The following PPP1R11 variants were observed in gnomAD, a reference collection of about 807,000 sequenced individuals.
PPP1R11 encodes E3 ubiquitin-protein ligase PPP1R11.
PPP1R11 carries 10 observed loss-of-function variants against 11.3 expected under a neutral mutation model. The ratio of observed to expected loss-of-function variants is 0.88; its 90% CI spans 0.55 to 1.50. The LOEUF (loss-of-function observed/expected upper bound fraction) is 1.50. PPP1R11 is among the 40% of genes most tolerant of loss of function. The probability of loss-of-function intolerance (pLI) is 0.00; values close to 1 mark genes in which losing one functional copy is unlikely to be tolerated. For synonymous variants in PPP1R11, 56 were observed against 62.3 expected, an observed-to-expected ratio of 0.90 and a Z score of 0.48; for missense variants, 114 against 179.1, an observed-to-expected ratio of 0.64 and a Z score of 2.07.
At chr6:30,062,724 T>C (rs1295522967), upstream of PPP1R11, among the ~76,000 whole-genome samples, 2 of 108,860 alleles carry the variant, frequency 1.8e-5, no homozygotes, top group African/African-American at 3.5e-5. Context: ...CTTTTTTTTT[T>C]TTTTTTTTTT....
chr6:30,061,852 G>A (rs1765102076), upstream of PPP1R11: 6 of 1,582,758 alleles, frequency 3.8e-6, no homozygotes, highest in Non-Finnish European at 5.2e-6. This position sits in a 1 kb window ranked among gnomAD's most constrained non-coding sequence, Gnocchi z 5.0. Flanking sequence ...CCAGGGGAAA[G>A]GGGAGGTTTC....
At position 30,068,401 on chromosome 6, in the gene PPP1R11, T is replaced by C. The variant is rs989848386; in HGVS notation, c.70-189T>C. 5.2e-5 allele frequency: 26 copies of C among 495,516 alleles called. 1 individual carries two copies. The South Asian group carries it at 7.1e-4, about 14-fold the overall frequency. 30.7% of individuals were successfully genotyped at this position (495,516 alleles called of 1,614,324 possible). A position where few individuals can be genotyped will look rare whatever the true frequency, so the allele number is the denominator to read the frequency against. On this transcript the variant is annotated intron_variant, in intron 1 of 2. Coordinates refer to ENST00000376772, the MANE Select transcript of PPP1R11 (RefSeq NM_021959.3). ...ATACTGGTGGTATAAGAACAGGAAA[T>C]AATACTTATTCCTCAAGGGACTATC...
upstream of PPP1R11, chr6:30,062,109 T>A: frequency 6.8e-7 from 1 of 1,466,352 alleles, no homozygotes; most frequent in South Asian, 1.1e-5. Flanking sequence ...TTGTGCCCAA[T>A]TCCAAGAGGG....
chr6:30,064,292 CA>C (rs372351529), upstream of PPP1R11, among the ~76,000 whole-genome samples: 283 of 143,914 alleles, frequency 2.0e-3, 2 homozygotes, highest in East Asian at 0.024. Context: ...GTCATTTTAC[CA>C]AAAAAAAAAA....
chr6:30,062,714 CTTTTTTTTTTTTT>C (rs9278555), upstream of PPP1R11, among the ~76,000 whole-genome samples: 319 of 42,408 alleles, frequency 7.5e-3, 6 homozygotes, highest in Middle Eastern at 0.078. Flanking sequence ...CCACGCCTGG[CTTTTTTTTTTTTT>C]TTTTTTTTTT....
At chr6:30,066,053 G>C (rs1289308053), upstream of PPP1R11, among the ~76,000 whole-genome samples, 1 of 152,160 alleles carries the variant, frequency 6.6e-6, no homozygotes, top group Non-Finnish European at 1.5e-5. Flanking sequence ...AGAATGGGCA[G>C]GGCAGTCTTC....
chr6:30,062,108 A>T, upstream of PPP1R11: 8 of 1,467,828 alleles, frequency 5.5e-6, no homozygotes, highest in Non-Finnish European at 7.6e-6. Context: ...TTTGTGCCCA[A>T]TTCCAAGAGG....
upstream of PPP1R11, among the ~76,000 whole-genome samples, chr6:30,063,143 A>G (rs1765249480): frequency 6.6e-6 from 1 of 151,494 alleles, no homozygotes; most frequent in Non-Finnish European, 1.5e-5. This position sits in a 1 kb window ranked among gnomAD's most constrained non-coding sequence, Gnocchi z 4.1. Flanking sequence ...TCTGAAACTG[A>G]GAGTGGACTT....
chr6:30,062,141 C>T, upstream of PPP1R11: 1 of 1,445,276 alleles, frequency 6.9e-7, no homozygotes, highest in African/African-American at 1.4e-5. Context: ...AAACCATCGA[C>T]GTTTGAGAGG....
At chr6:30,067,746 A>C in intron 1 of PPP1R11, 1 of 418,634 alleles carries the variant, frequency 2.4e-6, no homozygotes, top group Non-Finnish European at 4.2e-6. Context: ...GTAAGTAATA[A>C]ACGAAAGGGA....
chr6:30,068,463 G>C (rs1765689418), intron 1 of PPP1R11, 127 bp from the exon 2 acceptor site: 2 of 673,060 alleles, frequency 3.0e-6, no homozygotes. Context: ...TCTTCTGTCA[G>C]CTCCTCTGGT....
Position 30,068,610 on chromosome 6 carries a change from C to A in PPP1R11, c.90C>A (p.Ile30=). ...TTEPENRSLT[I]KLRKRKPEKK... is the part of the protein sequence containing the mutation. ...TCTAGGAGAACCGGAGCCTTACCAT[C>A]AAACTTCGGAAACGGAAGCCAGAGA... Residue 30 remains isoleucine, a synonymous_variant, in exon 2 of 3, where the codon ATC becomes ATA. Coordinates refer to ENST00000376772, the MANE Select transcript of PPP1R11 (RefSeq NM_021959.3). 6.2e-7 allele frequency: 1 copy of A among 1,612,800 alleles called. No homozygotes were observed. Among genetic ancestry groups the A allele is most frequent in the Admixed American group, 1.7e-5 (1 of 60,014 alleles).
Position 30,068,699 on chromosome 6 carries a change from G to A in PPP1R11, c.178+1G>A. On this transcript the variant is annotated splice_donor_variant, in intron 2 of 2. Coordinates refer to ENST00000376772, the MANE Select transcript of PPP1R11 (RefSeq NM_021959.3). LOFTEE classifies it high-confidence loss of function. ...CACATGGGCCGCCGCTCATCCAAAT[G>A]TGAGTAATTGTTGGCCCGCAGTAGC... The A allele has an allele frequency of 6.2e-7, 1 of 1,610,344 alleles. No homozygotes were observed. The highest frequency in any genetic ancestry group is 8.5e-7 in the Non-Finnish European group (1 of 1,177,738).
At position 30,067,262 on chromosome 6, in the gene PPP1R11, G is replaced by C. The variant is rs1765608124; in HGVS notation, c.-149G>C. 1.3e-6 allele frequency: 1 copy of C among 782,428 alleles called. No homozygotes were observed. Among genetic ancestry groups the C allele is most frequent in the East Asian group, 2.8e-5 (1 of 35,808 alleles). 48.5% of individuals were successfully genotyped at this position (782,428 alleles called of 1,614,324 possible). A position where few individuals can be genotyped will look rare whatever the true frequency, so the allele number is the denominator to read the frequency against. On this transcript the variant is annotated 5_prime_UTR_variant, in exon 1 of 3. Coordinates refer to ENST00000376772, the MANE Select transcript of PPP1R11 (RefSeq NM_021959.3). ...AGGTTATCCCCAGGGGTGGAGAAGCGGAGGCCCAGGAGGAGGGGGAATAAA... is the reference window on the plus strand; with the variant it reads ...AGGTTATCCCCAGGGGTGGAGAAGCCGAGGCCCAGGAGGAGGGGGAATAAA...
upstream of PPP1R11, among the ~76,000 whole-genome samples, chr6:30,063,311 A>G (rs554395027): frequency 7.9e-5 from 12 of 151,804 alleles, no homozygotes; most frequent in East Asian, 2.3e-3. This position sits in a 1 kb window ranked among gnomAD's most constrained non-coding sequence, Gnocchi z 4.1. Flanking sequence ...TCATATTTTC[A>G]ATTGCTGTTC....
At chr6:30,061,523 G>A in the PPP1R11 span, 54 of 1,612,784 alleles carry the variant, frequency 3.3e-5, no homozygotes, top group Middle Eastern at 8.2e-4. This position sits in a 1 kb window ranked among gnomAD's most constrained non-coding sequence, Gnocchi z 5.0. Flanking sequence ...AGACCCGACC[G>A]CATGTCTGTC....
At chr6:30,061,339 T>C in the PPP1R11 span, 3 of 627,960 alleles carry the variant, frequency 4.8e-6, no homozygotes, top group South Asian at 4.6e-5. This position sits in a 1 kb window ranked among gnomAD's most constrained non-coding sequence, Gnocchi z 5.0. Flanking sequence ...AGTCCTTTAG[T>C]ACCCGACGCT....
At position 30,067,294 on chromosome 6, in the gene PPP1R11, G is replaced by A; in HGVS notation, c.-117G>A. 1 of 1,072,896 alleles carries A rather than the reference G, an allele frequency of 9.3e-7. No homozygotes were observed. Among genetic ancestry groups the A allele is most frequent in the Non-Finnish European group, 1.4e-6 (1 of 724,358 alleles). 66.5% of individuals were successfully genotyped at this position (1,072,896 alleles called of 1,614,324 possible). ...CAGGAGGAGGGGGAATAAAGAAGGT[G>A]GAGGATCCTGGCTACCACTCTGAAT... On this transcript the variant is annotated 5_prime_UTR_variant, in exon 1 of 3. Coordinates refer to ENST00000376772, the MANE Select transcript of PPP1R11 (RefSeq NM_021959.3).
chr6:30,061,555 T>C, the PPP1R11 span: 1 of 1,613,106 alleles, frequency 6.2e-7, no homozygotes, highest in Non-Finnish European at 8.5e-7. The surrounding 1 kb of genome is among the most constrained non-coding windows in gnomAD (Gnocchi z 5.0). Flanking sequence ...CAATACTTGC[T>C]CCAGCTTTCA....
Sources: gnomAD v4.1 joint callset for allele counts (sites outside exome capture counted in the v4.1 genomes callset) on GRCh38, gnomAD v4.1.1 for gene constraint, Gnocchi (gnomAD v3.1) non-coding constraint, MANE v1.5 for transcripts, NCBI Gene and HGNC (gene_info 2026-07-23, HGNC 2026-07-21) for gene names.